TTC39B: variants seen among roughly 807,000 people sequenced by gnomAD.
TTC39B encodes tetratricopeptide repeat protein 39B.
A neutral mutation model predicts 96.6 loss-of-function variants in TTC39B; 92 were observed. The ratio of observed to expected loss-of-function variants is 0.95; its 90% confidence interval spans 0.80 to 1.13. The LOEUF (loss-of-function observed/expected upper bound fraction) is 1.13, where lower values mean the gene tolerates loss of function less well. Ranked by LOEUF, TTC39B falls within the 50% of genes most tolerant of loss-of-function variation. TTC39B has a pLI of 0.00. For missense variants in TTC39B, 955 were observed against 809.3 expected (o/e 1.18, Z -2.18); for synonymous variants, 367 against 299.4 (o/e 1.23, Z -2.33).
intron 1 of TTC39B, among the ~76,000 whole-genome samples, chr9:15,302,822 T>A (rs1254950187): frequency 7.0e-6 from 1 of 143,286 alleles, no homozygotes; most frequent in Non-Finnish European, 1.5e-5. Context: ...CCAGCCTGGA[T>A]GACAAGAGCA....
At chr9:15,250,782 G>C (rs1822500170) in intron 2 of TTC39B, among the ~76,000 whole-genome samples, 1 of 152,212 alleles carries the variant, frequency 6.6e-6, no homozygotes. Context: ...ATAGATAAAA[G>C]CTCTCCTGGG....
chr9:15,224,938 G>C (rs1821041257), intron 3 of TTC39B, among the ~76,000 whole-genome samples: 1 of 152,136 alleles, frequency 6.6e-6, no homozygotes. Context: ...CACACGCATA[G>C]CTGAAATTTC....
At chr9:15,181,640 G>C (rs532998333) in intron 17 of TTC39B, among the ~76,000 whole-genome samples, 2 of 152,250 alleles carry the variant, frequency 1.3e-5, no homozygotes, top group South Asian at 4.1e-4. Context: ...AATAAATCGT[G>C]ATAACATTTC....
chr9:15,170,642 A>C (rs1180969409), exon 20 of TTC39B: 1 of 152,082 alleles, frequency 6.6e-6, no homozygotes, highest in Non-Finnish European at 1.5e-5. Flanking sequence ...ACAGAGATGA[A>C]CTCGTGACTC....
chr9:15,299,971 T>C lies in TTC39B; in HGVS notation c.240+7113A>G, dbSNP rs182254770. Among the ~76,000 whole-genome samples the C allele has an allele frequency of 1.8e-4, 26 of 144,652 alleles. 1 individual carries two copies. The highest frequency in any genetic ancestry group is 1.7e-3 in the Admixed American group (26 of 15,020). 94.9% of individuals were successfully genotyped at this position (144,652 alleles called of 152,430 possible). A position where few individuals can be genotyped will look rare whatever the true frequency, so the allele number is the denominator to read the frequency against. On this transcript the variant is annotated intron_variant, in intron 1 of 19. Transcript: ENST00000512701. ...GAAAAACAGCTGTCAAAAAACAGGG[T>C]TTCAAGAGACTCAAGATTGAACATT... is the stretch of plus-strand genomic sequence containing the variant.
At chr9:15,287,954 A>T (rs75190016) in intron 1 of TTC39B, among the ~76,000 whole-genome samples, 10,843 of 150,104 alleles carry the variant, frequency 0.072, 557 homozygotes, top group South Asian at 0.17. Flanking sequence ...TCAAAAAAAA[A>T]AAAAAAAAAA....
At chr9:15,217,787 C>G (rs141327574) in intron 3 of TTC39B, among the ~76,000 whole-genome samples, 82 of 152,274 alleles carry the variant, frequency 5.4e-4, no homozygotes, top group African/African-American at 1.9e-3. Flanking sequence ...CTTCCTAAAA[C>G]AGATGCTCAT....
intron 8 of TTC39B, among the ~76,000 whole-genome samples, chr9:15,195,625 G>T (rs999598868): frequency 6.9e-6 from 1 of 144,108 alleles, no homozygotes; most frequent in South Asian, 2.2e-4. Flanking sequence ...AGCTGAGATC[G>T]TGCCACTGCA....
At chr9:15,298,918 C>G (rs184323825) in intron 1 of TTC39B, among the ~76,000 whole-genome samples, 326 of 152,288 alleles carry the variant, frequency 2.1e-3, no homozygotes, top group African/African-American at 6.2e-3. Flanking sequence ...TCCCCCTTCC[C>G]CACATCACTT....
intron 1 of TTC39B, among the ~76,000 whole-genome samples, chr9:15,269,880 A>G (rs918315401): frequency 2.0e-5 from 3 of 150,194 alleles, no homozygotes; most frequent in African/African-American, 4.9e-5. Context: ...AAAAAAAAAG[A>G]AGAACCGACT....
rs980570291 is a variant in TTC39B, at chr9:15,247,865, G to A, written c.275+20049C>T. 1.0e-4 allele frequency among the ~76,000 whole-genome samples: 15 copies of A among 150,450 alleles called. No homozygotes were observed. In the South Asian group the frequency reaches 1.7e-3, roughly 17 times the overall value. On this transcript the variant is annotated intron_variant, in intron 2 of 19. Coordinates refer to ENST00000512701, the Ensembl canonical transcript of TTC39B. ...AGAAGAAAAAGGAAAAAAAAAAAAC[G>A]AGGGGGCTCCCCCAACCAACCTATG...
chr9:15,199,786 T>G, intron 8 of TTC39B, 75 bp downstream of exon 8: 2 of 451,462 alleles, frequency 4.4e-6, no homozygotes, highest in South Asian at 2.9e-5. Flanking sequence ...CAAACTTAAT[T>G]TAGGAGAACT....
At chr9:15,266,098 T>G (rs1047102422) in intron 2 of TTC39B, among the ~76,000 whole-genome samples, 10 of 152,166 alleles carry the variant, frequency 6.6e-5, no homozygotes, top group African/African-American at 2.4e-4. Context: ...TGATCATTAA[T>G]TGTGAGAAAT....
At chr9:15,278,392 T>G (rs1823628035) in intron 1 of TTC39B, among the ~76,000 whole-genome samples, 1 of 152,236 alleles carries the variant, frequency 6.6e-6, no homozygotes, top group Non-Finnish European at 1.5e-5. Context: ...AGGTTATCAC[T>G]GAAATTTAAC....
At chr9:15,261,313 T>C (rs1194058494) in intron 2 of TTC39B, among the ~76,000 whole-genome samples, 12 of 152,044 alleles carry the variant, frequency 7.9e-5, no homozygotes, top group Non-Finnish European at 1.5e-5. Flanking sequence ...ACTGCATCTC[T>C]ACAAAAAATA....
intron 6 of TTC39B, among the ~76,000 whole-genome samples, chr9:15,206,247 C>A (rs1036417750): frequency 2.6e-5 from 4 of 151,880 alleles, no homozygotes; most frequent in African/African-American, 9.7e-5. Flanking sequence ...AATCCGCCAG[C>A]CACAAGAGAA....
chr9:15,251,687 A>ACG (rs1563764324), intron 2 of TTC39B, among the ~76,000 whole-genome samples: 9 of 125,050 alleles, frequency 7.2e-5, no homozygotes. Context: ...ACACACACAC[A>ACG]CACATACATA....
At chr9:15,298,493 A>C (rs1488848954) in intron 1 of TTC39B, among the ~76,000 whole-genome samples, 1 of 152,208 alleles carries the variant, frequency 6.6e-6, no homozygotes, top group Non-Finnish European at 1.5e-5. Flanking sequence ...GAGCAAAGGC[A>C]CATCTTACAT....
chr9:15,272,152 C>T (rs994624836), intron 1 of TTC39B, among the ~76,000 whole-genome samples: 7 of 152,186 alleles, frequency 4.6e-5, no homozygotes, highest in Admixed American at 2.6e-4. Flanking sequence ...TCAGGAAGCT[C>T]CTTTTCCTTG....
Sources: gnomAD v4.1 joint callset for allele counts (sites outside exome capture counted in the v4.1 genomes callset) on GRCh38, gnomAD v4.1.1 for gene constraint, MANE v1.5 for transcripts, NCBI Gene and HGNC (gene_info 2026-07-23, HGNC 2026-07-21) for gene names.